The following RSPO2 variants were observed in gnomAD, a reference collection of about 807,000 sequenced individuals.
RSPO2 encodes the protein R-spondin-2.
In RSPO2, 14 loss-of-function variants were observed where a neutral mutation model predicts 30.9. That is an observed-to-expected ratio of 0.45 (90% CI 0.30 to 0.71). The LOEUF (loss-of-function observed/expected upper bound fraction) is 0.71, where lower values mean the gene tolerates loss of function less well. RSPO2 is among the 30% of genes least tolerant of loss of function. The pLI is 0.08. For missense variants in RSPO2, 264 were observed against 301.9 expected (o/e 0.87, Z 0.93); for synonymous variants, 107 against 96.4 (o/e 1.11, Z -0.64).
intron 2 of RSPO2, among the ~76,000 whole-genome samples, chr8:108,057,886 G>C (rs1441168046): frequency 6.6e-6 from 1 of 152,142 alleles, no homozygotes; most frequent in Non-Finnish European, 1.5e-5. Flanking sequence ...CTGAGACAAT[G>C]GGGTTTTCTA....
intron 3 of RSPO2, 76 bp from the exon 4 acceptor site, chr8:107,960,893 A>G (rs1813606605): frequency 8.7e-7 from 1 of 1,149,232 alleles, no homozygotes; most frequent in Non-Finnish European, 1.2e-6. Context: ...AAATTTTTGT[A>G]AACTCACAAG....
intron 2 of RSPO2, among the ~76,000 whole-genome samples, chr8:108,055,487 T>C (rs1427573951): frequency 2.0e-5 from 3 of 152,140 alleles, no homozygotes; most frequent in Non-Finnish European, 4.4e-5. Flanking sequence ...CTAAGGAGAA[T>C]GGATCACAGA....
At chr8:107,935,267 A>G (rs1159890228) in intron 5 of RSPO2, among the ~76,000 whole-genome samples, 1 of 152,172 alleles carries the variant, frequency 6.6e-6, no homozygotes, top group Non-Finnish European at 1.5e-5. Context: ...ACTACTGTAA[A>G]TCTTCAAGCT....
chr8:108,077,260 A>G (rs1813043561), intron 2 of RSPO2, among the ~76,000 whole-genome samples: 1 of 152,212 alleles, frequency 6.6e-6, no homozygotes, highest in Non-Finnish European at 1.5e-5. Flanking sequence ...AAACAGGATT[A>G]TCAAGCCAGA....
At chr8:108,036,526 C>T (rs567938358) in intron 2 of RSPO2, among the ~76,000 whole-genome samples, 1 of 152,312 alleles carries the variant, frequency 6.6e-6, no homozygotes, top group Admixed American at 6.5e-5. Flanking sequence ...ATGCCTGTGG[C>T]CATGGCGCTT....
chr8:108,027,587 A>C (rs1428471394), intron 2 of RSPO2, among the ~76,000 whole-genome samples: 1 of 152,224 alleles, frequency 6.6e-6, no homozygotes, highest in Non-Finnish European at 1.5e-5. Context: ...TTTTTAAAAA[A>C]GTTCAATTAT....
chr8:108,069,527 A>G (rs1236587460), intron 2 of RSPO2, among the ~76,000 whole-genome samples: 1 of 152,130 alleles, frequency 6.6e-6, no homozygotes, highest in Non-Finnish European at 1.5e-5. Flanking sequence ...TTTCATTTTA[A>G]AGAGTAAACT....
intron 2 of RSPO2, among the ~76,000 whole-genome samples, chr8:107,991,635 T>G (rs1814851836): frequency 6.6e-6 from 1 of 152,136 alleles, no homozygotes; most frequent in Non-Finnish European, 1.5e-5. Context: ...AGAAAATATT[T>G]GCAAACTATG....
intron 2 of RSPO2, among the ~76,000 whole-genome samples, chr8:108,065,312 G>C (rs1239025719): frequency 6.9e-6 from 1 of 145,686 alleles, no homozygotes; most frequent in Non-Finnish European, 1.5e-5. Context: ...AAAAAGAAGA[G>C]TACTACGAAG....
At position 108,082,822 on chromosome 8, in the gene RSPO2, G is replaced by A; in HGVS notation, c.-169-15C>T. 1 of 574,694 alleles carries A rather than the reference G, an allele frequency of 1.7e-6. No individual in the cohort carries two copies. Among genetic ancestry groups the A allele is most frequent in the Non-Finnish European group, 3.1e-6 (1 of 323,554 alleles). The allele number at this position is 574,694 out of a possible 1,614,324, so 35.6% of individuals were successfully genotyped here. A position where few individuals can be genotyped will look rare whatever the true frequency, so the allele number is the denominator to read the frequency against. On this transcript the variant is annotated splice_polypyrimidine_tract_variant and intron_variant, in intron 1 of 5. Transcript: ENST00000276659. ...CCGCCACGAACCTGAGAGACAAGAA[G>A]CGAAAACAGGGTGTGTGGGGGATGG...
intron 5 of RSPO2, among the ~76,000 whole-genome samples, chr8:107,935,326 T>C (rs537679796): frequency 1.3e-5 from 2 of 152,268 alleles, no homozygotes; most frequent in South Asian, 4.1e-4. Flanking sequence ...CCAATAGTTA[T>C]GCATTATGAG....
intron 2 of RSPO2, among the ~76,000 whole-genome samples, chr8:108,058,330 T>C (rs951520403): frequency 9.9e-5 from 15 of 152,068 alleles, no homozygotes; most frequent in Non-Finnish European, 1.8e-4. Flanking sequence ...TACAAACCAC[T>C]GCTCAATGAA....
chr8:107,948,835 G>C (rs1419410796), intron 5 of RSPO2, among the ~76,000 whole-genome samples: 1 of 148,822 alleles, frequency 6.7e-6, no homozygotes, highest in African/African-American at 2.5e-5. Flanking sequence ...GCTCTAGCCT[G>C]GGCAACAGAG....
At chr8:107,956,012 C>T (rs1311144777) in intron 5 of RSPO2, among the ~76,000 whole-genome samples, 1 of 152,156 alleles carries the variant, frequency 6.6e-6, no homozygotes, top group Non-Finnish European at 1.5e-5. Context: ...CACTAGTCGC[C>T]ATGACCTATT....
intron 2 of RSPO2, among the ~76,000 whole-genome samples, chr8:108,075,068 T>C (rs945056207): frequency 3.3e-5 from 5 of 152,276 alleles, no homozygotes; most frequent in Non-Finnish European, 5.9e-5. Flanking sequence ...TATGAGTATA[T>C]AGAAGGCAAA....
chr8:107,936,710 T>C (rs557055466), intron 5 of RSPO2, among the ~76,000 whole-genome samples: 1 of 152,316 alleles, frequency 6.6e-6, no homozygotes, highest in East Asian at 1.9e-4. Context: ...TTTTAACTTG[T>C]AAATTCAGAG....
intron 2 of RSPO2, among the ~76,000 whole-genome samples, chr8:108,076,671 C>A (rs567754968): frequency 1.3e-5 from 2 of 151,556 alleles, no homozygotes; most frequent in South Asian, 2.1e-4. Flanking sequence ...GAAAAGAAAG[C>A]GAATTGTCAG....
chr8:108,079,463 G>A (rs563059716), intron 2 of RSPO2, among the ~76,000 whole-genome samples: 219 of 152,054 alleles, frequency 1.4e-3, no homozygotes, highest in African/African-American at 4.8e-3. Flanking sequence ...TTTCTCAATC[G>A]TCTGGCTATA....
intron 3 of RSPO2, among the ~76,000 whole-genome samples, chr8:107,964,837 A>G (rs1813744824): frequency 1.3e-5 from 2 of 152,228 alleles, no homozygotes; most frequent in Non-Finnish European, 2.9e-5. Context: ...TTTTTATATA[A>G]AAGTAAAACA....
Sources: gnomAD v4.1 joint callset for allele counts (sites outside exome capture counted in the v4.1 genomes callset) on GRCh38, gnomAD v4.1.1 for gene constraint, MANE v1.5 for transcripts, NCBI Gene and HGNC (gene_info 2026-07-23, HGNC 2026-07-21) for gene names.